Variants in HCN1 observed in about 807,000 individuals in gnomAD.
HCN1 encodes the protein potassium/sodium hyperpolarization-activated cyclic nucleotide-gated channel 1.
A neutral mutation model predicts 78.9 loss-of-function variants in HCN1; 13 were observed. That is an observed-to-expected ratio of 0.16 (90% CI 0.11 to 0.26). The LOEUF is 0.26. Among genes scored for constraint, HCN1 ranks in the 10% least tolerant of loss-of-function variants. HCN1 has a pLI of 1.00. For missense variants in HCN1, 810 were observed against 1,154.3 expected, an observed-to-expected ratio of 0.70 and a Z score of 4.32; for synonymous variants, 552 against 455.5, an observed-to-expected ratio of 1.21 and a Z score of -2.70.
In HCN1 at chr5:45,646,059, C is replaced by A. The variant is rs1017232308; in HGVS notation, c.426-451G>T. 5.3e-5 allele frequency among the ~76,000 whole-genome samples: 8 copies of A among 151,698 alleles called. No homozygotes were observed. The East Asian group carries it at 5.8e-4, about 11-fold the overall frequency. On this transcript the variant is annotated intron_variant, in intron 1 of 7. Coordinates refer to ENST00000303230, the MANE Select transcript of HCN1 (RefSeq NM_021072.4). Reference sequence around the variant, plus strand: ...ACCAATCATAGATTAGAAAAAAAAACCCAGAAATAAATAGGATACTCTAAC... The same window carrying A: ...ACCAATCATAGATTAGAAAAAAAAAACCAGAAATAAATAGGATACTCTAAC...
chr5:45,531,852 C>A (rs547618716), intron 2 of HCN1, among the ~76,000 whole-genome samples: 1 of 152,228 alleles, frequency 6.6e-6, no homozygotes, highest in South Asian at 2.1e-4. Flanking sequence ...CTAGCCTGAG[C>A]AACACAGTGA....
intron 2 of HCN1, among the ~76,000 whole-genome samples, chr5:45,537,733 T>C (rs1320838274): frequency 6.6e-6 from 1 of 151,898 alleles, no homozygotes; most frequent in African/African-American, 2.4e-5. Flanking sequence ...TTATTCACTC[T>C]GTTACCTTCC....
At chr5:45,375,208 T>G (rs1747588401) in intron 4 of HCN1, among the ~76,000 whole-genome samples, 1 of 116,458 alleles carries the variant, frequency 8.6e-6, no homozygotes. Flanking sequence ...TAATATTTTA[T>G]AATATATAAT....
chr5:45,343,642 G>A (rs996627019), intron 5 of HCN1, among the ~76,000 whole-genome samples: 1 of 152,062 alleles, frequency 6.6e-6, no homozygotes, highest in Non-Finnish European at 1.5e-5. Context: ...AATGATGGAA[G>A]AAAAATGACT....
At chr5:45,545,059 C>G (rs566632372) in intron 2 of HCN1, among the ~76,000 whole-genome samples, 71 of 152,162 alleles carry the variant, frequency 4.7e-4, no homozygotes, top group African/African-American at 1.7e-3. Context: ...GTTTACAGTC[C>G]CACCAACAGT....
intron 5 of HCN1, among the ~76,000 whole-genome samples, chr5:45,304,302 T>A (rs1024718688): frequency 6.6e-6 from 1 of 152,026 alleles, no homozygotes; most frequent in Non-Finnish European, 1.5e-5. Flanking sequence ...TTGATGTTTT[T>A]TTTTTTTGTT....
intron 6 of HCN1, among the ~76,000 whole-genome samples, chr5:45,282,903 T>C (rs1561087522): frequency 6.6e-6 from 1 of 152,190 alleles, no homozygotes; most frequent in Non-Finnish European, 1.5e-5. Flanking sequence ...ATTAGTTGAG[T>C]TGACATGTTT....
chr5:45,441,141 T>G (rs1740670230), intron 3 of HCN1, among the ~76,000 whole-genome samples: 1 of 152,206 alleles, frequency 6.6e-6, no homozygotes, highest in African/African-American at 2.4e-5. Context: ...TGACCCAGGT[T>G]ACAGTATTCT....
intron 2 of HCN1, among the ~76,000 whole-genome samples, chr5:45,469,990 T>C (rs1205367851): frequency 6.6e-6 from 1 of 152,024 alleles, no homozygotes; most frequent in African/African-American, 2.4e-5. Context: ...AAAAGGCATA[T>C]GCCAACTCGC....
intron 3 of HCN1, among the ~76,000 whole-genome samples, chr5:45,400,524 G>A (rs535696385): frequency 4.0e-5 from 6 of 148,770 alleles, no homozygotes; most frequent in Non-Finnish European, 7.4e-5. Flanking sequence ...TCAGCCTCCC[G>A]AGTAGCTGGG....
intron 3 of HCN1, among the ~76,000 whole-genome samples, chr5:45,417,668 C>T (rs145950354): frequency 0.011 from 1,573 of 140,924 alleles, 26 homozygotes; most frequent in African/African-American, 0.039. Flanking sequence ...CCACAGTCAG[C>T]TATGATCAAT....
intron 6 of HCN1, among the ~76,000 whole-genome samples, chr5:45,298,366 C>T (rs1745540438): frequency 6.6e-6 from 1 of 151,964 alleles, no homozygotes; most frequent in Non-Finnish European, 1.5e-5. Flanking sequence ...TTTCAATTAC[C>T]ATTCTCCAAT....
intron 5 of HCN1, among the ~76,000 whole-genome samples, chr5:45,320,315 C>A (rs1176105403): frequency 2.0e-5 from 3 of 151,664 alleles, no homozygotes; most frequent in Non-Finnish European, 4.4e-5. Flanking sequence ...TTTTTTCTTT[C>A]CAATTCAGTA....
Position 45,303,633 on chromosome 5 carries a change from T to C in HCN1, c.1584A>G (p.Lys528=), listed in dbSNP as rs751481175. 1 of 1,613,354 alleles carries C rather than the reference T, an allele frequency of 6.2e-7. No individual in the cohort carries two copies. Among genetic ancestry groups the C allele is most frequent in the Non-Finnish European group, 8.5e-7 (1 of 1,179,644 alleles). ...AAGAGCCATCTGTCAGCTTCATTTCTTTACTGGATTTTGTAATGACACCAG... is the reference window on the plus strand; with the variant it reads ...AAGAGCCATCTGTCAGCTTCATTTCCTTACTGGATTTTGTAATGACACCAG... ...GVAGVITKSS[K]EMKLTDGSYF... Residue 528 remains lysine (K), a synonymous_variant, in exon 6 of 8, where the codon AAA becomes AAG. Coordinates refer to ENST00000303230, the MANE Select transcript of HCN1 (RefSeq NM_021072.4).
intron 6 of HCN1, among the ~76,000 whole-genome samples, chr5:45,289,609 G>A (rs1745332418): frequency 6.6e-6 from 1 of 152,050 alleles, no homozygotes; most frequent in Non-Finnish European, 1.5e-5. Context: ...AACAGGGCAA[G>A]AGCATCTTAC....
chr5:45,340,516 C>T (rs1746554594), intron 5 of HCN1, among the ~76,000 whole-genome samples: 1 of 152,126 alleles, frequency 6.6e-6, no homozygotes, highest in Non-Finnish European at 1.5e-5. Flanking sequence ...CCTTTGTCTC[C>T]TTGCTATGAT....
chr5:45,288,097 A>G (rs1745303085), intron 6 of HCN1, among the ~76,000 whole-genome samples: 1 of 151,996 alleles, frequency 6.6e-6, no homozygotes, highest in African/African-American at 2.4e-5. Flanking sequence ...GTGCAGCTGC[A>G]TCACCTACAC....
chr5:45,315,679 A>T (rs537407569), intron 5 of HCN1, among the ~76,000 whole-genome samples: 1 of 152,210 alleles, frequency 6.6e-6, no homozygotes, highest in South Asian at 2.1e-4. Flanking sequence ...AGACTGATAA[A>T]GAAGAAAAGA....
intron 1 of HCN1, among the ~76,000 whole-genome samples, chr5:45,689,855 G>A (rs532673478): frequency 5.9e-5 from 9 of 152,196 alleles, no homozygotes; most frequent in African/African-American, 1.9e-4. Flanking sequence ...GAATGAAATG[G>A]AGGACAGGTT....
Sources: gnomAD v4.1 joint callset for allele counts (sites outside exome capture counted in the v4.1 genomes callset) on GRCh38, gnomAD v4.1.1 for gene constraint, MANE v1.5 for transcripts, NCBI Gene and HGNC (gene_info 2026-07-23, HGNC 2026-07-21) for gene names.